CSMD1: variants seen among roughly 807,000 people sequenced by gnomAD.
CSMD1 encodes CUB and sushi domain-containing protein 1.
CSMD1 carries 213 observed loss-of-function variants against 417.5 expected under a neutral mutation model. The ratio of observed to expected loss-of-function variants is 0.51; its 90% CI spans 0.46 to 0.57. The LOEUF (loss-of-function observed/expected upper bound fraction) is 0.57. Ranked by LOEUF, CSMD1 falls within the 20% of genes least tolerant of loss-of-function variation. CSMD1 has a pLI of 0.00. For synonymous variants in CSMD1, 2,862 were observed against 1,736.8 expected, an observed-to-expected ratio of 1.65 and a Z score of -16.11; for missense variants, 6,923 against 4,529.7, an observed-to-expected ratio of 1.53 and a Z score of -15.17.
At chr8:4,642,112 T>C (rs1180926222) in intron 1 of CSMD1, among the ~76,000 whole-genome samples, 9 of 152,174 alleles carry the variant, frequency 5.9e-5, no homozygotes, top group Admixed American at 2.0e-4. Flanking sequence ...CTACTCTCTA[T>C]CCTGTGAAGG....
intron 4 of CSMD1, among the ~76,000 whole-genome samples, chr8:4,017,430 C>G (rs2130477263): frequency 6.6e-6 from 1 of 152,216 alleles, no homozygotes; most frequent in East Asian, 1.9e-4. Context: ...CTCACTCTTC[C>G]TGAGTAGCTA....
intron 7 of CSMD1, among the ~76,000 whole-genome samples, chr8:3,668,607 G>A (rs536940758): frequency 2.6e-5 from 4 of 152,110 alleles, no homozygotes; most frequent in African/African-American, 9.6e-5. Context: ...CAAAAGAGAC[G>A]AAGCCCTGGG....
chr8:4,096,751 G>GT (rs1316011181), intron 3 of CSMD1, among the ~76,000 whole-genome samples: 2 of 152,160 alleles, frequency 1.3e-5, no homozygotes, highest in African/African-American at 4.8e-5. Context: ...TATTGTATGA[G>GT]TTTTTTCCCT....
intron 2 of CSMD1, among the ~76,000 whole-genome samples, chr8:4,505,960 G>C (rs953363079): frequency 2.6e-5 from 4 of 151,936 alleles, no homozygotes; most frequent in Admixed American, 2.6e-4. Flanking sequence ...CACCACGCCT[G>C]GGTAATTTTT....
At chr8:3,259,989 C>A (rs1563196980) in intron 26 of CSMD1, among the ~76,000 whole-genome samples, 1 of 152,150 alleles carries the variant, frequency 6.6e-6, no homozygotes, top group Non-Finnish European at 1.5e-5. Context: ...GACCACAGGA[C>A]CTGCAAAGCC....
intron 39 of CSMD1, among the ~76,000 whole-genome samples, chr8:3,151,885 G>A (rs971748930): frequency 3.3e-5 from 5 of 152,200 alleles, no homozygotes; most frequent in East Asian, 1.9e-4. Context: ...TGCTAACTAT[G>A]TGGTACTTAC....
chr8:3,122,856 A>C (rs369238214), intron 41 of CSMD1, among the ~76,000 whole-genome samples: 26 of 152,274 alleles, frequency 1.7e-4, no homozygotes, highest in African/African-American at 5.1e-4. Flanking sequence ...ATAACAGTCC[A>C]CCATACAGTA....
At chr8:3,468,014 A>C (rs1585208563) in intron 12 of CSMD1, among the ~76,000 whole-genome samples, 2 of 152,362 alleles carry the variant, frequency 1.3e-5, no homozygotes, top group East Asian at 3.9e-4. Flanking sequence ...TACTTTAAGG[A>C]ACTCAGTTAC....
In CSMD1 at chr8:4,095,424, G is replaced by C. The variant is rs950271963; in HGVS notation, c.416-63325C>G. On this transcript the variant is annotated intron_variant, in intron 3 of 69. Coordinates refer to ENST00000635120, the MANE Select transcript of CSMD1 (RefSeq NM_033225.6). ...AAGAAAAAAAAATGACAATAGTGCA[G>C]CTAGTGATTGTAGTTCTTTCTTGCA... Among the ~76,000 whole-genome samples the C allele has an allele frequency of 4.6e-5, 7 of 152,216 alleles. No individual in the cohort carries two copies. In the East Asian group the frequency reaches 1.3e-3, roughly 29 times the overall value.
At chr8:4,051,094 C>T (rs1165958066) in intron 3 of CSMD1, among the ~76,000 whole-genome samples, 1 of 151,754 alleles carries the variant, frequency 6.6e-6, no homozygotes, top group African/African-American at 2.4e-5. Flanking sequence ...GTTACAGCAT[C>T]TTTATTGAAA....
At chr8:4,973,089 A>G (rs1342665788) in intron 1 of CSMD1, among the ~76,000 whole-genome samples, 2 of 152,202 alleles carry the variant, frequency 1.3e-5, no homozygotes, top group African/African-American at 4.8e-5. Context: ...TGCTTGGGCA[A>G]TCAAAGGAAA....
chr8:4,154,133 C>G (rs192586730), intron 3 of CSMD1, among the ~76,000 whole-genome samples: 1 of 152,150 alleles, frequency 6.6e-6, no homozygotes, highest in Non-Finnish European at 1.5e-5. Flanking sequence ...TCTGCGACAG[C>G]TGAGGGTGAG....
At chr8:4,910,820 G>C (rs1004614912) in intron 1 of CSMD1, among the ~76,000 whole-genome samples, 7 of 152,118 alleles carry the variant, frequency 4.6e-5, no homozygotes, top group Admixed American at 3.3e-4. Context: ...AATGTCATTA[G>C]ATAGTCATCA....
intron 5 of CSMD1, among the ~76,000 whole-genome samples, chr8:3,841,276 C>T: frequency 6.6e-6 from 1 of 152,034 alleles, no homozygotes; most frequent in East Asian, 1.9e-4. Context: ...TGATTTTGAA[C>T]TATCTTTAAA....
At chr8:4,010,580 G>A (rs1287320275) in intron 4 of CSMD1, among the ~76,000 whole-genome samples, 1 of 151,172 alleles carries the variant, frequency 6.6e-6, no homozygotes, top group Non-Finnish European at 1.5e-5. Context: ...TTCTACAGCT[G>A]CAGTCTGACT....
At chr8:3,655,254 G>T (rs774210197) in intron 7 of CSMD1, among the ~76,000 whole-genome samples, 3 of 152,090 alleles carry the variant, frequency 2.0e-5, no homozygotes, top group Non-Finnish European at 4.4e-5. Context: ...ACAAAACAAG[G>T]CAAGAATTTA....
At chr8:4,380,717 G>T (rs537165273) in intron 3 of CSMD1, among the ~76,000 whole-genome samples, 3 of 152,298 alleles carry the variant, frequency 2.0e-5, no homozygotes, top group Admixed American at 6.5e-5. Flanking sequence ...TGTGGATGTT[G>T]TATCTATGGG....
intron 2 of CSMD1, among the ~76,000 whole-genome samples, chr8:4,443,228 ATG>A (rs1300198118): frequency 3.3e-5 from 5 of 152,172 alleles, no homozygotes; most frequent in East Asian, 1.9e-4. Flanking sequence ...TTTGTAATTA[ATG>A]TGTTTTAAGA....
chr8:4,955,523 T>A (rs1366440141), intron 1 of CSMD1, among the ~76,000 whole-genome samples: 1 of 151,756 alleles, frequency 6.6e-6, no homozygotes, highest in Non-Finnish European at 1.5e-5. Flanking sequence ...TGGCATGATC[T>A]CGGCACACTG....
Sources: allele counts gnomAD v4.1 joint callset (sites outside exome capture counted in the v4.1 genomes callset), GRCh38; gene constraint gnomAD v4.1.1; transcripts MANE v1.5; gene names NCBI Gene and HGNC (gene_info 2026-07-23, HGNC 2026-07-21).